Variants in VARS1 observed in about 807,000 individuals in gnomAD.
VARS1 encodes the protein valine--tRNA ligase.
In VARS1, 92 loss-of-function variants were observed where a neutral mutation model predicts 161.0. The ratio of observed to expected loss-of-function variants is 0.57; its 90% CI spans 0.48 to 0.68. The LOEUF is 0.68. Ranked by LOEUF, VARS1 falls within the 30% of genes least tolerant of loss-of-function variation. VARS1 has a pLI of 0.00. For synonymous variants in VARS1, 595 were observed against 682.5 expected (o/e 0.87, Z 2.00); for missense variants, 1,338 against 1,695.9 (o/e 0.79, Z 3.71).
chr6:31,781,925 C>T lies in VARS1; in HGVS notation c.2269G>A (p.Gly757Arg). 1 of 1,613,028 alleles carries T rather than the reference C, an allele frequency of 6.2e-7. No homozygotes were observed. Among genetic ancestry groups the T allele is most frequent in the Non-Finnish European group, 8.5e-7 (1 of 1,180,020 alleles). ...EDPDGRYWVS[G>R]RNEAEAREKA... is the part of the protein sequence containing the mutation. ...TCCCGGGCCTCCGCCTCATTGCGTC[C>T]ACTCACCCAGTACCGCCCATCAGGG... Residue 757 changes from glycine (G) to arginine (R), a missense_variant, in exon 19 of 30, where the codon GGA becomes AGA. Coordinates refer to ENST00000375663, the MANE Select transcript of VARS1 (RefSeq NM_006295.3). This position sits in a 1 kb window ranked among gnomAD's most constrained non-coding sequence, Gnocchi z 6.8.
In VARS1 at chr6:31,778,896, C is replaced by T. The variant is rs942050782; in HGVS notation, c.3726+71G>A. The stretch of plus-strand genomic sequence containing the variant: ...AATTAGTTGTCAACACCACTGCACT[C>T]GGACCAGCCCAGACCAGGGTTTTGA... On this transcript the variant is annotated intron_variant, in intron 29 of 29. Transcript: ENST00000375663. This position sits in a 1 kb window ranked among gnomAD's most constrained non-coding sequence, Gnocchi z 5.1. 10 of 1,593,248 alleles carry T rather than the reference C, an allele frequency of 6.3e-6. No individual in the cohort carries two copies. Among genetic ancestry groups the T allele is most frequent in the East Asian group, 2.2e-5 (1 of 44,740 alleles).
In VARS1 at chr6:31,782,106, G is replaced by A. The variant is rs1813193866; in HGVS notation, c.2222C>T (p.Pro741Leu). The A allele has an allele frequency of 1.2e-6, 2 of 1,613,732 alleles. No homozygotes were observed. The highest frequency in any genetic ancestry group is 1.7e-6 in the Non-Finnish European group (2 of 1,179,870). The change falls in exon 18 of 30, where the codon CCA becomes CTA. Residue 741 changes from proline to leucine, a missense_variant. Around this residue, in one of 3 missense-constraint regions of VARS1, gnomAD observed 902 missense variants for 1,090.3 expected, o/e 0.83. Coordinates refer to ENST00000375663, the MANE Select transcript of VARS1 (RefSeq NM_006295.3). The surrounding 1 kb of genome is among the most constrained non-coding windows in gnomAD (Gnocchi z 8.3). ...IPAYFVTVSD[P>L]AVPPGEDPDG... Reference sequence around the variant, plus strand: ...GCTCACCTCCCCAGGGGGCACCGCTGGGTCACTGACAGTGACAAAGTAGGC... The same window carrying A: ...GCTCACCTCCCCAGGGGGCACCGCTAGGTCACTGACAGTGACAAAGTAGGC...
At chr6:31,792,713 GCC>G in intron 4 of VARS1, 42 bp downstream of exon 4, 1 of 1,609,268 alleles carries the variant, frequency 6.2e-7, no homozygotes, top group Non-Finnish European at 8.5e-7. Flanking sequence ...TGCATGGAAG[GCC>G]CCAGGGAAGC....
At chr6:31,789,973 G>A (rs1022446733) in intron 8 of VARS1, among the ~76,000 whole-genome samples, 11 of 151,976 alleles carry the variant, frequency 7.2e-5, no homozygotes, top group Admixed American at 2.6e-4. Flanking sequence ...GGAGCTTGCA[G>A]TGAGCCGAGA....
rs140736335 is a variant in VARS1, at chr6:31,779,143, G to A, written c.3550C>T (p.Arg1184Cys). ...TGAAGCTGCAGGTGGATGGAGCAGCGATCAGAAGCCAGAGCCACAGCGCAA... is the reference window on the plus strand; with the variant it reads ...TGAAGCTGCAGGTGGATGGAGCAGCAATCAGAAGCCAGAGCCACAGCGCAA... ...QGCAVALASD[R>C]CSIHLQLQGL... The change falls in exon 29 of 30, where the codon CGC (arginine) becomes TGC (cysteine). Residue 1184 changes from arginine to cysteine, a missense_variant. Transcript: ENST00000375663. The surrounding 1 kb of genome is among the most constrained non-coding windows in gnomAD (Gnocchi z 9.1). 3 of 1,605,710 alleles carry A rather than the reference G, an allele frequency of 1.9e-6. No individual in the cohort carries two copies. The highest frequency in any genetic ancestry group is 1.7e-5 in the Admixed American group (1 of 58,676).
rs1283991542 is a variant in VARS1, at chr6:31,780,547, A to C, written c.2819T>G (p.Val940Gly). 1.9e-6 allele frequency: 3 copies of C among 1,613,874 alleles called. No individual in the cohort carries two copies. Among genetic ancestry groups the C allele is most frequent in the Non-Finnish European group, 1.7e-6 (2 of 1,179,916 alleles). ...MSQGRDINLD[V>G]NRILGYRHFC... ...GTGGCGGTAACCCAGTATCCGGTTCACATCCAGGTTGATGTCACGACCTGG... is the reference window on the plus strand; with the variant it reads ...GTGGCGGTAACCCAGTATCCGGTTCCCATCCAGGTTGATGTCACGACCTGG... Residue 940 changes from valine to glycine, a missense_variant, in exon 25 of 30, where the codon GTG becomes GGG. By Grantham distance (109) the Val-to-Gly change is moderately radical. Coordinates refer to ENST00000375663, the MANE Select transcript of VARS1 (RefSeq NM_006295.3). This position sits in a 1 kb window ranked among gnomAD's most constrained non-coding sequence, Gnocchi z 5.1.
chr6:31,780,256 C>T lies in VARS1; in HGVS notation c.2926-103G>A, dbSNP rs1813048888. 2.6e-6 allele frequency: 4 copies of T among 1,547,464 alleles called. No homozygotes were observed. The highest frequency in any genetic ancestry group is 3.5e-6 in the Non-Finnish European group (4 of 1,147,034). On this transcript the variant is annotated intron_variant, in intron 25 of 29. Transcript: ENST00000375663. This position sits in a 1 kb window ranked among gnomAD's most constrained non-coding sequence, Gnocchi z 5.1. The stretch of plus-strand genomic sequence containing the variant: ...ATCTTCATCCAGAGTCTGATGAGTC[C>T]AAAGCAACCACCTATGTGCCAGGAT...
In VARS1 at chr6:31,784,832, C is replaced by T. The variant is rs1052716295; in HGVS notation, c.1348-118G>A. 160 of 1,447,142 alleles carry T rather than the reference C, an allele frequency of 1.1e-4. No homozygotes were observed. The African/African-American group carries it at 2.1e-3, about 19-fold the overall frequency. The allele number at this position is 1,447,142 out of a possible 1,614,324, so 89.6% of individuals were successfully genotyped here. On this transcript the variant is annotated intron_variant, in intron 10 of 29. Transcript: ENST00000375663. The surrounding 1 kb of genome is among the most constrained non-coding windows in gnomAD (Gnocchi z 6.1). Reference sequence around the variant, plus strand: ...GAGTCCCACTGGCCAGCACAAAGACCCCTCTGAGGGGAGTACTTTCCTTCT... The same window carrying T: ...GAGTCCCACTGGCCAGCACAAAGACTCCTCTGAGGGGAGTACTTTCCTTCT...
intron 2 of VARS1, 58 bp downstream of exon 2, chr6:31,794,773 G>T (rs2151437234): frequency 1.3e-6 from 2 of 1,500,954 alleles, no homozygotes; most frequent in East Asian, 4.6e-5. Context: ...GTCCATTCCA[G>T]TCCTCGCTTC....
rs1415945021 is a variant in VARS1, at chr6:31,784,445, TCTC to T, written c.1522_1524del (p.Glu508del). On this transcript the variant is annotated inframe_deletion, in exon 12 of 30. Coordinates refer to ENST00000375663, the MANE Select transcript of VARS1 (RefSeq NM_006295.3). This position sits in a 1 kb window ranked among gnomAD's most constrained non-coding sequence, Gnocchi z 6.1. ...GACACGAGGACCCCGAACTCCACCT[TCTC>T]CTTGTAGCCAGGCACGGAGAGCAGG... 1.9e-6 allele frequency: 3 copies of T among 1,613,884 alleles called. No homozygotes were observed. Among genetic ancestry groups the T allele is most frequent in the Non-Finnish European group, 2.5e-6 (3 of 1,180,022 alleles).
Sources: allele counts gnomAD v4.1 joint callset (sites outside exome capture counted in the v4.1 genomes callset), GRCh38; gene constraint gnomAD v4.1.1; regional missense constraint gnomAD v4.1.1; non-coding constraint Gnocchi (gnomAD v3.1); transcripts MANE v1.5; gene names NCBI Gene and HGNC (gene_info 2026-07-23, HGNC 2026-07-21).